EYA1: variants seen among roughly 807,000 people sequenced by gnomAD.
EYA1 encodes protein phosphatase EYA1.
In EYA1, 16 loss-of-function variants were observed where a neutral mutation model predicts 82.0. The observed-to-expected ratio is 0.20, with a 90% confidence interval of 0.13 to 0.30. The LOEUF (loss-of-function observed/expected upper bound fraction) is 0.30, where lower values mean the gene tolerates loss of function less well. EYA1 is among the 10% of genes least tolerant of loss of function. EYA1 has a pLI of 1.00. For missense variants in EYA1, 633 were observed against 730.7 expected, an observed-to-expected ratio of 0.87 and a Z score of 1.54; for synonymous variants, 261 against 264.4, an observed-to-expected ratio of 0.99 and a Z score of 0.12.
intron 9 of EYA1, among the ~76,000 whole-genome samples, chr8:71,274,911 C>CGAGA (rs1031237098): frequency 2.0e-5 from 2 of 101,764 alleles, no homozygotes; most frequent in African/African-American, 3.9e-5. Flanking sequence ...AGTGAGCGAG[C>CGAGA]GAGAGAGAGA....
chr8:71,505,011 G>C (rs571483932), intron 2 of EYA1, among the ~76,000 whole-genome samples: 2 of 152,218 alleles, frequency 1.3e-5, no homozygotes, highest in East Asian at 3.9e-4. Context: ...TGTTGGCCAG[G>C]CTGGTCTCAA....
intron 4 of EYA1, among the ~76,000 whole-genome samples, chr8:71,325,610 T>A (rs78639225): frequency 0.11 from 17,170 of 152,264 alleles, 1,266 homozygotes; most frequent in South Asian, 0.24. Context: ...TAAGTTTTTT[T>A]AATAAACATA....
At chr8:71,535,674 A>G in intron 2 of EYA1, 1 of 1,120,178 alleles carries the variant, frequency 8.9e-7, no homozygotes, top group Non-Finnish European at 1.3e-6. Context: ...TACTCGGGTT[A>G]CAATAAAAAT....
chr8:71,430,597 G>T (rs1043735854), intron 2 of EYA1, among the ~76,000 whole-genome samples: 1 of 152,202 alleles, frequency 6.6e-6, no homozygotes, highest in East Asian at 1.9e-4. Flanking sequence ...TGAACATCCA[G>T]TTGAGTCATG....
intron 2 of EYA1, chr8:71,404,901 G>C (rs1830135949): frequency 1.6e-5 from 2 of 122,710 alleles, no homozygotes; most frequent in Non-Finnish European, 3.2e-5. Flanking sequence ...CTGGGCGACA[G>C]AGCGAGACTC....
intron 12 of EYA1, among the ~76,000 whole-genome samples, chr8:71,218,173 C>T (rs2128857402): frequency 6.6e-6 from 1 of 152,232 alleles, no homozygotes; most frequent in African/African-American, 2.4e-5. Flanking sequence ...GGCGCACATC[C>T]TGTATTTTAA....
intron 12 of EYA1, 59 bp from the exon 13 acceptor site, chr8:71,217,082 T>G: frequency 7.4e-7 from 1 of 1,343,412 alleles, no homozygotes; most frequent in South Asian, 1.2e-5. Context: ...TTTTTTTGTT[T>G]TGTTTTGGAA....
chr8:71,256,632 G>T (rs1453805924), intron 11 of EYA1, among the ~76,000 whole-genome samples: 1 of 152,124 alleles, frequency 6.6e-6, no homozygotes, highest in Non-Finnish European at 1.5e-5. Context: ...ACAATGTGAA[G>T]GTACTTAAAA....
intron 2 of EYA1, among the ~76,000 whole-genome samples, chr8:71,446,084 C>G (rs1380169361): frequency 1.3e-5 from 2 of 152,058 alleles, no homozygotes; most frequent in African/African-American, 2.4e-5. Context: ...GCCTTCAGAA[C>G]TGTATGAAAC....
chr8:71,331,014 AG>A (rs1400017524), intron 4 of EYA1, among the ~76,000 whole-genome samples: 4 of 152,014 alleles, frequency 2.6e-5, no homozygotes, highest in Admixed American at 2.6e-4. Context: ...GTGGATTACT[AG>A]GTCAAGAGAT....
At chr8:71,297,052 G>A (rs1819673798) in intron 9 of EYA1, among the ~76,000 whole-genome samples, 1 of 152,092 alleles carries the variant, frequency 6.6e-6, no homozygotes, top group Admixed American at 6.5e-5. Context: ...GAAGAGGTAT[G>A]TATAAGAAAT....
At chr8:71,394,054 T>C (rs1202443577) in intron 2 of EYA1, among the ~76,000 whole-genome samples, 1 of 152,238 alleles carries the variant, frequency 6.6e-6, no homozygotes, top group Non-Finnish European at 1.5e-5. Context: ...ATGATGAGCA[T>C]TTTTTCAGTG....
chr8:71,298,432 G>A (rs1819823759), intron 9 of EYA1, among the ~76,000 whole-genome samples: 1 of 152,180 alleles, frequency 6.6e-6, no homozygotes, highest in Admixed American at 6.5e-5. Flanking sequence ...AAGAGTTCTA[G>A]AAAGAAAGAA....
chr8:71,393,338 C>A lies in EYA1; in HGVS notation c.34-36827G>T, dbSNP rs563675344. 9.9e-5 allele frequency among the ~76,000 whole-genome samples: 15 copies of A among 152,040 alleles called. No individual in the cohort carries two copies. The South Asian group carries it at 3.1e-3, about 32-fold the overall frequency. On this transcript the variant is annotated intron_variant, in intron 2 of 18. Transcript: ENST00000643681. ...TACTTTAAGTTCTAGGGTACATGTG[C>A]ACAACGTGCAGGTTTGTTACATATG...
intron 2 of EYA1, among the ~76,000 whole-genome samples, chr8:71,494,106 A>T (rs911092974): frequency 1.4e-4 from 22 of 151,838 alleles, no homozygotes; most frequent in African/African-American, 5.3e-4. Flanking sequence ...TCAAAATAAA[A>T]TCCAGTTTAA....
chr8:71,311,721 TAA>T (rs1382945342), intron 7 of EYA1, among the ~76,000 whole-genome samples: 5 of 152,220 alleles, frequency 3.3e-5, no homozygotes, highest in East Asian at 1.9e-4. Context: ...CAGCTGAACT[TAA>T]GTTTCTAATC....
chr8:71,394,006 C>A (rs1829436238), intron 2 of EYA1, among the ~76,000 whole-genome samples: 1 of 152,150 alleles, frequency 6.6e-6, no homozygotes, highest in Non-Finnish European at 1.5e-5. Flanking sequence ...GATGGTATCT[C>A]ATGGTGGTTT....
At chr8:71,541,116 A>G (rs1815103135) in intron 1 of EYA1, among the ~76,000 whole-genome samples, 2 of 152,206 alleles carry the variant, frequency 1.3e-5, no homozygotes, top group Non-Finnish European at 2.9e-5. Flanking sequence ...GGTTATATCA[A>G]AGAAACAGAG....
chr8:71,506,204 A>C (rs755139700), intron 2 of EYA1, among the ~76,000 whole-genome samples: 1 of 152,248 alleles, frequency 6.6e-6, no homozygotes, highest in Non-Finnish European at 1.5e-5. Context: ...AGGCACCTTC[A>C]TTCACTTCTA....
Sources: gnomAD v4.1 joint callset for allele counts (sites outside exome capture counted in the v4.1 genomes callset) on GRCh38, gnomAD v4.1.1 for gene constraint, MANE v1.5 for transcripts, NCBI Gene and HGNC (gene_info 2026-07-23, HGNC 2026-07-21) for gene names.